CIMIP2C: variants seen among roughly 807,000 people sequenced by gnomAD.
The protein encoded by CIMIP2C is ciliary microtubule inner protein 2C, also known as UPF0573 protein C2orf70.
chr2:26,575,853 G>C, the CIMIP2C span: 1 of 1,589,540 alleles, frequency 6.3e-7, no homozygotes, highest in Non-Finnish European at 8.6e-7. Context: ...GAACAGGCCT[G>C]GGGCCCTTCA....
the CIMIP2C span, chr2:26,575,968 G>A: frequency 6.2e-7 from 1 of 1,613,824 alleles, no homozygotes; most frequent in East Asian, 2.2e-5. Flanking sequence ...CCACCCTCAA[G>A]TACTTCCAGG....
chr2:26,573,047 T>C, the CIMIP2C span, among the ~76,000 whole-genome samples: 1 of 152,232 alleles, frequency 6.6e-6, no homozygotes, highest in African/African-American at 2.4e-5. Context: ...AGTTTCTTCA[T>C]CAGTGCGAAT....
the CIMIP2C span, among the ~76,000 whole-genome samples, chr2:26,570,082 G>A: frequency 6.6e-6 from 1 of 152,238 alleles, no homozygotes; most frequent in Non-Finnish European, 1.5e-5. Context: ...ACCTGCCTGA[G>A]CAGTAAGCCC....
chr2:26,565,102 C>CT, the CIMIP2C span, among the ~76,000 whole-genome samples: 2 of 144,360 alleles, frequency 1.4e-5, no homozygotes, highest in African/African-American at 2.5e-5. Context: ...ACCCCTTCTT[C>CT]TTTTTTTAAT....
the CIMIP2C span, chr2:26,575,817 T>A: frequency 6.7e-7 from 1 of 1,489,388 alleles, no homozygotes; most frequent in South Asian, 1.3e-5. Context: ...AGCCACAGCA[T>A]CCTCCACTTT....
At chr2:26,576,989 GC>G in the CIMIP2C span, among the ~76,000 whole-genome samples, 2 of 152,226 alleles carry the variant, frequency 1.3e-5, no homozygotes, top group Admixed American at 1.3e-4. Flanking sequence ...GTGTGTCCTG[GC>G]CCCAGGGCAG....
the CIMIP2C span, among the ~76,000 whole-genome samples, chr2:26,574,509 G>C: frequency 6.6e-6 from 1 of 152,192 alleles, no homozygotes; most frequent in African/African-American, 2.4e-5. Context: ...TCAAGCCTGG[G>C]AGACATCCAA....
At chr2:26,574,051 G>A in the CIMIP2C span, among the ~76,000 whole-genome samples, 123,434 of 152,192 alleles carry the variant, frequency 0.81, 50,394 homozygotes, top group East Asian at 1. Flanking sequence ...GGCAGCGCCC[G>A]TTCTGTTGGT....
chr2:26,569,155 C>T, the CIMIP2C span, among the ~76,000 whole-genome samples: 1 of 151,930 alleles, frequency 6.6e-6, no homozygotes, highest in East Asian at 1.9e-4. Flanking sequence ...GGAAAGAGGG[C>T]ATTCAAGATG....
chr2:26,575,022 C>T, the CIMIP2C span, among the ~76,000 whole-genome samples: 1 of 152,260 alleles, frequency 6.6e-6, no homozygotes, highest in Non-Finnish European at 1.5e-5. Context: ...TGTTGACTCT[C>T]CCTTGCTTTG....
the CIMIP2C span, chr2:26,577,384 C>T: frequency 2.6e-3 from 2,034 of 795,038 alleles, 8 homozygotes; most frequent in South Asian, 0.01. Context: ...CCAGCAACTC[C>T]GGGACTCCTC....
chr2:26,570,065 C>A, the CIMIP2C span, among the ~76,000 whole-genome samples: 1 of 152,178 alleles, frequency 6.6e-6, no homozygotes, highest in Non-Finnish European at 1.5e-5. Context: ...TGTGTGAGTG[C>A]ACACACACCT....
At chr2:26,566,260 G>C in the CIMIP2C span, among the ~76,000 whole-genome samples, 1 of 152,150 alleles carries the variant, frequency 6.6e-6, no homozygotes, top group Non-Finnish European at 1.5e-5. Context: ...CCCTCTCTCT[G>C]TCTGCCTGGG....
the CIMIP2C span, among the ~76,000 whole-genome samples, chr2:26,565,113 G>A: frequency 8.2e-6 from 1 of 122,370 alleles, no homozygotes; most frequent in African/African-American, 3.1e-5. Flanking sequence ...TTTTTTTAAT[G>A]GAGTCTTGCT....
the CIMIP2C span, chr2:26,579,339 C>G: frequency 1.2e-6 from 2 of 1,614,098 alleles, no homozygotes; most frequent in African/African-American, 2.7e-5. Flanking sequence ...TAAGACTAGC[C>G]CCCGAGAACC....
the CIMIP2C span, among the ~76,000 whole-genome samples, chr2:26,573,165 G>A: frequency 1.3e-5 from 2 of 152,198 alleles, no homozygotes; most frequent in Non-Finnish European, 2.9e-5. Context: ...GGGTCTGAAG[G>A]CAGACTGAGG....
chr2:26,579,043 C>T, the CIMIP2C span: 1 of 556,774 alleles, frequency 1.8e-6, no homozygotes, highest in Non-Finnish European at 3.3e-6. Context: ...ATGCACACTT[C>T]TAGCAGGAGT....
At chr2:26,578,506 C>T in the CIMIP2C span, 21 of 257,548 alleles carry the variant, frequency 8.2e-5, no homozygotes, top group Admixed American at 6.3e-4. Context: ...AAAAAGGGAA[C>T]GTGAGGCTCA....
chr2:26,578,256 A>T, the CIMIP2C span: 1 of 158,610 alleles, frequency 6.3e-6, no homozygotes, highest in Non-Finnish European at 1.4e-5. Flanking sequence ...TCATTGGCTC[A>T]CACGAGGTGT....
Sources: gnomAD v4.1 joint callset for allele counts (sites outside exome capture counted in the v4.1 genomes callset) on GRCh38, gnomAD v4.1.1 for gene constraint, MANE v1.5 for transcripts, NCBI Gene and HGNC (gene_info 2026-07-23, HGNC 2026-07-21) for gene names.